The following PTPRD variants were observed in gnomAD, a reference collection of about 807,000 sequenced individuals.
PTPRD encodes the protein protein tyrosine phosphatase receptor type D.
In PTPRD, 34 loss-of-function variants were observed where a neutral mutation model predicts 214.5. That is an observed-to-expected ratio of 0.16 (90% CI 0.12 to 0.21). PTPRD has a LOEUF of 0.21. PTPRD is among the 10% of genes least tolerant of loss of function. The pLI is 1.00. For synonymous variants in PTPRD, 1,128 were observed against 845.7 expected (o/e 1.33, Z -5.79); for missense variants, 2,545 against 2,398.7 (o/e 1.06, Z -1.27).
chr9:9,845,922 G>C (rs1166432668), intron 5 of PTPRD, among the ~76,000 whole-genome samples: 1 of 152,024 alleles, frequency 6.6e-6, no homozygotes, highest in Non-Finnish European at 1.5e-5. Flanking sequence ...CTGGAGCAGA[G>C]AAGGAGCAGA....
chr9:10,154,186 C>T (rs1163604856), intron 3 of PTPRD, among the ~76,000 whole-genome samples: 1 of 152,088 alleles, frequency 6.6e-6, no homozygotes, highest in Non-Finnish European at 1.5e-5. Flanking sequence ...GAGATGGTAT[C>T]TCATTGTGGT....
At chr9:8,494,674 T>C (rs990051405) in intron 26 of PTPRD, among the ~76,000 whole-genome samples, 1 of 152,234 alleles carries the variant, frequency 6.6e-6, no homozygotes, top group Non-Finnish European at 1.5e-5. Flanking sequence ...TTTCTTATCA[T>C]GAAATTGGAG....
At chr9:9,886,494 A>G (rs561907950) in intron 5 of PTPRD, among the ~76,000 whole-genome samples, 1 of 152,150 alleles carries the variant, frequency 6.6e-6, no homozygotes, top group African/African-American at 2.4e-5. Context: ...TTCCCATGGG[A>G]GGGATGTAAA....
At chr9:8,619,442 T>C (rs1253483774) in intron 14 of PTPRD, among the ~76,000 whole-genome samples, 1 of 151,662 alleles carries the variant, frequency 6.6e-6, no homozygotes, top group African/African-American at 2.4e-5. Context: ...TGAGATCCCA[T>C]AGCATTTGTC....
rs114343939 is a variant in PTPRD, at chr9:9,392,270, C to G, written c.-203+5179G>C. Among the ~76,000 whole-genome samples, 1,428 of 152,256 alleles carry G rather than the reference C, an allele frequency of 9.4e-3. 21 individuals carry two copies. The highest frequency in any genetic ancestry group is 0.033 in the African/African-American group (1,359 of 41,542). ...GATGTTTGTTTTGTAGTTAAGTCAT[C>G]CTGACAGGCCCATTGGGTCATAAAC... On this transcript the variant is annotated intron_variant, in intron 9 of 45. Transcript: ENST00000381196.
intron 5 of PTPRD, among the ~76,000 whole-genome samples, chr9:9,924,329 C>G (rs1411008717): frequency 6.6e-6 from 1 of 152,008 alleles, no homozygotes; most frequent in African/African-American, 2.4e-5. Context: ...ACGAGCTAAA[C>G]ATTGCTTTCT....
chr9:9,125,642 C>T (rs1228996787), intron 10 of PTPRD, among the ~76,000 whole-genome samples: 1 of 152,132 alleles, frequency 6.6e-6, no homozygotes, highest in Non-Finnish European at 1.5e-5. Flanking sequence ...CATTAGAAAA[C>T]ATAGCCTCCC....
intron 14 of PTPRD, among the ~76,000 whole-genome samples, chr9:8,590,915 G>A (rs545491577): frequency 1.3e-5 from 2 of 152,230 alleles, no homozygotes; most frequent in Non-Finnish European, 2.9e-5. Flanking sequence ...GTTTCACTGG[G>A]TTAGACTGAG....
At position 9,527,952 on chromosome 9, in the gene PTPRD, A is replaced by G. The variant is rs185181847; in HGVS notation, c.-237+46780T>C. On this transcript the variant is annotated intron_variant, in intron 8 of 45. Coordinates refer to ENST00000381196, the MANE Select transcript of PTPRD (RefSeq NM_002839.4). ...TGAAATAACGCTTTTCAGGCATTGG[A>G]TAACAAGTAGTGTAGGACTATGATC... 4.3e-4 allele frequency among the ~76,000 whole-genome samples: 66 copies of G among 152,346 alleles called. 1 individual carries two copies. The highest frequency in any genetic ancestry group is 1.5e-3 in the African/African-American group (64 of 41,592).
At chr9:9,490,665 G>C (rs2095855933) in intron 8 of PTPRD, among the ~76,000 whole-genome samples, 1 of 151,874 alleles carries the variant, frequency 6.6e-6, no homozygotes, top group Non-Finnish European at 1.5e-5. Context: ...TTAAATTAGA[G>C]TGTTATAAAT....
At chr9:9,407,335 C>A (rs1249105995) in intron 8 of PTPRD, among the ~76,000 whole-genome samples, 1 of 151,606 alleles carries the variant, frequency 6.6e-6, no homozygotes, top group Non-Finnish European at 1.5e-5. Flanking sequence ...ATCCAATTTA[C>A]TATTGATGAC....
chr9:8,408,119 AAG>A lies in PTPRD; in HGVS notation c.4087-3461_4087-3460del, dbSNP rs544794081. ...TTCTCTTGCTGCTGTCCTCTTAAGGAAGAGTGAGATGGCCAAAATGAAGAAAG... is the reference window on the plus strand; with the variant it reads ...TTCTCTTGCTGCTGTCCTCTTAAGGAAGTGAGATGGCCAAAATGAAGAAAG... On this transcript the variant is annotated intron_variant, in intron 35 of 45. Transcript: ENST00000381196. Among the ~76,000 whole-genome samples, 7 of 152,240 alleles carry A rather than the reference AAG, an allele frequency of 4.6e-5. No individual in the cohort carries two copies. In the South Asian group the frequency reaches 1.5e-3, roughly 32 times the overall value.
At chr9:8,362,216 A>G (rs544953170) in intron 39 of PTPRD, among the ~76,000 whole-genome samples, 1 of 152,352 alleles carries the variant, frequency 6.6e-6, no homozygotes, top group South Asian at 2.1e-4. Context: ...ATACATACCT[A>G]TCTCTTGTAA....
At chr9:8,562,984 A>G (rs1432281486) in intron 14 of PTPRD, among the ~76,000 whole-genome samples, 1 of 152,060 alleles carries the variant, frequency 6.6e-6, no homozygotes, top group Non-Finnish European at 1.5e-5. Flanking sequence ...TCCAGCACCA[A>G]TTGTTGAAAA....
At chr9:8,594,837 A>T (rs2094379883) in intron 14 of PTPRD, among the ~76,000 whole-genome samples, 1 of 150,588 alleles carries the variant, frequency 6.6e-6, no homozygotes, top group Non-Finnish European at 1.5e-5. Context: ...CAGTATGAGA[A>T]TGAAATCATA....
chr9:8,384,686 C>T (rs7044276), intron 37 of PTPRD, among the ~76,000 whole-genome samples: 2 of 152,068 alleles, frequency 1.3e-5, no homozygotes, highest in Non-Finnish European at 2.9e-5. Context: ...GCCATTATAC[C>T]TGGCCAATTT....
chr9:9,882,785 A>G (rs935721720), intron 5 of PTPRD, among the ~76,000 whole-genome samples: 1 of 152,022 alleles, frequency 6.6e-6, no homozygotes, highest in African/African-American at 2.4e-5. Context: ...TCCCCTCCAA[A>G]TCTCATGTTG....
chr9:9,900,708 C>T (rs1283975484), intron 5 of PTPRD, among the ~76,000 whole-genome samples: 7 of 146,622 alleles, frequency 4.8e-5, no homozygotes, highest in Non-Finnish European at 1.0e-4. Context: ...ACGATCTTGG[C>T]TCACTGCAAC....
chr9:8,414,003 T>A (rs539255831), intron 35 of PTPRD, among the ~76,000 whole-genome samples: 2 of 152,248 alleles, frequency 1.3e-5, no homozygotes, highest in South Asian at 4.1e-4. Context: ...GTGATTTATC[T>A]GATGTTGTAT....
Sources: allele counts gnomAD v4.1 joint callset (sites outside exome capture counted in the v4.1 genomes callset), GRCh38; gene constraint gnomAD v4.1.1; transcripts MANE v1.5; gene names NCBI Gene and HGNC (gene_info 2026-07-23, HGNC 2026-07-21).